Variants in SERPINE2 observed in about 807,000 individuals in gnomAD.
The protein encoded by SERPINE2 is glia-derived nexin.
In SERPINE2, 14 loss-of-function variants were observed where a neutral mutation model predicts 36.3. The observed-to-expected ratio is 0.39, with a 90% CI of 0.25 to 0.60. The LOEUF (loss-of-function observed/expected upper bound fraction) is 0.60. SERPINE2 is among the 20% of genes least tolerant of loss of function. The probability of loss-of-function intolerance (pLI) is 0.57; values close to 1 mark genes in which losing one functional copy is unlikely to be tolerated. For synonymous variants in SERPINE2, 192 were observed against 191.8 expected, an observed-to-expected ratio of 1.00 and a Z score of -0.01; for missense variants, 418 against 499.6, an observed-to-expected ratio of 0.84 and a Z score of 1.56.
chr2:224,003,050 G>T (rs548917970), intron 1 of SERPINE2, among the ~76,000 whole-genome samples: 2 of 152,076 alleles, frequency 1.3e-5, no homozygotes, highest in Admixed American at 6.5e-5. Flanking sequence ...GGCAGGGTGC[G>T]GGGGGTGGTC....
In SERPINE2 at chr2:223,991,979, G is replaced by A; in HGVS notation, c.509C>T (p.Ser170Phe). The A allele has an allele frequency of 6.2e-7, 1 of 1,614,064 alleles. No individual in the cohort carries two copies. Among genetic ancestry groups the A allele is most frequent in the Non-Finnish European group, 8.5e-7 (1 of 1,179,980 alleles). ...GAGCACACCATCAATAAGATCTGGG[G>A]ACAGCAGATTGTCAATCATATCTGT... is the stretch of plus-strand genomic sequence containing the variant. Reference protein sequence around the residue: ...ETRDMIDNLLSPDLIDGVLTR... With the variant: ...ETRDMIDNLLFPDLIDGVLTR... Residue 170 changes from serine to phenylalanine, a missense_variant, in exon 4 of 9, where the codon TCC (serine) becomes TTC (phenylalanine). Physicochemically the swap from Ser to Phe is radical, Grantham distance 155. Coordinates refer to ENST00000409304, the MANE Select transcript of SERPINE2 (RefSeq NM_001136528.2).
intron 3 of SERPINE2, among the ~76,000 whole-genome samples, chr2:223,995,476 T>C (rs558792899): frequency 6.6e-6 from 1 of 152,358 alleles, no homozygotes; most frequent in African/African-American, 2.4e-5. Context: ...TCCCACCCAA[T>C]GAAGAATTGT....
intron 3 of SERPINE2, among the ~76,000 whole-genome samples, chr2:223,996,848 G>C (rs1158158613): frequency 6.6e-6 from 1 of 152,190 alleles, no homozygotes; most frequent in East Asian, 1.9e-4. Context: ...AGGCTGAGGC[G>C]AGAGGACTGC....
intron 5 of SERPINE2, among the ~76,000 whole-genome samples, chr2:223,983,267 T>G (rs915919550): frequency 1.3e-5 from 2 of 152,220 alleles, no homozygotes; most frequent in African/African-American, 4.8e-5. Flanking sequence ...GGGATTCTTT[T>G]TTTTGAGACA....
At chr2:224,002,922 G>A (rs1489305122) in intron 1 of SERPINE2, among the ~76,000 whole-genome samples, 1 of 152,068 alleles carries the variant, frequency 6.6e-6, no homozygotes, top group African/African-American at 2.4e-5. Flanking sequence ...ACTCTCACCC[G>A]CACTGAGCTT....
At chr2:224,029,664 A>C (rs1293612737) in intron 1 of SERPINE2, among the ~76,000 whole-genome samples, 1 of 152,118 alleles carries the variant, frequency 6.6e-6, no homozygotes, top group Non-Finnish European at 1.5e-5. Flanking sequence ...TAAATATTAA[A>C]CCAAATAGAT....
At chr2:224,015,538 C>A (rs1284190298) in intron 1 of SERPINE2, among the ~76,000 whole-genome samples, 1 of 152,208 alleles carries the variant, frequency 6.6e-6, no homozygotes, top group Admixed American at 6.5e-5. Flanking sequence ...ACCATCATCA[C>A]CTTACAGCCT....
chr2:224,018,107 G>C (rs192869257), intron 1 of SERPINE2, among the ~76,000 whole-genome samples: 239 of 152,248 alleles, frequency 1.6e-3, no homozygotes, highest in African/African-American at 5.1e-3. Context: ...CCTCCCCAGG[G>C]GAAGCAGCTC....
chr2:224,010,632 C>T (rs1368906805), intron 1 of SERPINE2, among the ~76,000 whole-genome samples: 2 of 152,208 alleles, frequency 1.3e-5, no homozygotes, highest in Non-Finnish European at 2.9e-5. Context: ...TACCCATTAA[C>T]CAAGAGATCC....
chr2:223,982,490 A>G (rs1690259155), intron 6 of SERPINE2, 191 bp downstream of exon 6: 1 of 485,742 alleles, frequency 2.1e-6, no homozygotes, highest in South Asian at 3.0e-5. Flanking sequence ...AAAAGATAAA[A>G]GGAAAAAATA....
At chr2:223,988,094 C>T (rs1016506176) in intron 4 of SERPINE2, among the ~76,000 whole-genome samples, 11 of 152,036 alleles carry the variant, frequency 7.2e-5, no homozygotes, top group African/African-American at 2.7e-4. Context: ...GGAGGGGTGG[C>T]GTAAGTAACT....
chr2:224,000,841 G>T (rs999891876), intron 2 of SERPINE2, among the ~76,000 whole-genome samples: 1 of 152,076 alleles, frequency 6.6e-6, no homozygotes, highest in Non-Finnish European at 1.5e-5. Flanking sequence ...CTTCATCCAT[G>T]TCCCTGCAAG....
chr2:224,031,431 G>T, intron 1 of SERPINE2: 1 of 985,550 alleles, frequency 1.0e-6, no homozygotes, highest in Non-Finnish European at 1.2e-6. Flanking sequence ...GCTGGGGAAC[G>T]CCAGGCAGCA....
intron 1 of SERPINE2, among the ~76,000 whole-genome samples, chr2:224,035,518 G>T (rs1692506579): frequency 6.6e-6 from 1 of 152,108 alleles, no homozygotes; most frequent in African/African-American, 2.4e-5. Context: ...GAGTAGCTGG[G>T]ATTATAGGCG....
In SERPINE2 at chr2:223,976,592, T is replaced by C. The variant is rs188572453; in HGVS notation, c.1157-688A>G. On this transcript the variant is annotated intron_variant, in intron 8 of 8. Transcript: ENST00000409304. ...AGAATAAGGAACTATCTCATATTACTGATTAAATAAAATAGTAAAAGCTAA... is the reference window on the plus strand; with the variant it reads ...AGAATAAGGAACTATCTCATATTACCGATTAAATAAAATAGTAAAAGCTAA... Among the ~76,000 whole-genome samples the C allele has an allele frequency of 3.2e-3, 488 of 152,370 alleles. 1 individual carries two copies. Among genetic ancestry groups the C allele is most frequent in the Admixed American group, 5.4e-3 (82 of 15,312 alleles).
intron 1 of SERPINE2, among the ~76,000 whole-genome samples, chr2:224,019,343 T>C (rs1691909460): frequency 6.6e-6 from 1 of 152,248 alleles, no homozygotes; most frequent in African/African-American, 2.4e-5. Context: ...AACATCTTAC[T>C]GTACTGCATG....
intron 1 of SERPINE2, among the ~76,000 whole-genome samples, chr2:224,019,278 T>C (rs1691907556): frequency 6.6e-6 from 1 of 152,134 alleles, no homozygotes. Flanking sequence ...TTATATATTA[T>C]ACATATGGAT....
rs766666359 is a variant in SERPINE2 at position 224,001,693 on chromosome 2, C to A, written c.208G>T (p.Asp70Tyr). 12 of 1,614,192 alleles carry A rather than the reference C, an allele frequency of 7.4e-6. No individual in the cohort carries two copies. Among genetic ancestry groups the A allele is most frequent in the Non-Finnish European group, 7.6e-6 (9 of 1,180,054 alleles). Residue 70 changes from aspartate (D) to tyrosine (Y), a missense_variant, in exon 2 of 9, where the codon GAC (aspartate) becomes TAC (tyrosine). Physicochemically the swap from Asp to Tyr is radical, Grantham distance 160. Transcript: ENST00000409304. The part of the protein sequence containing the change: ...SVLGMLQLGA[D>Y]GRTKKQLAMV... Reference sequence around the variant, plus strand: ...GCGAGCTGCTTCTTGGTCCTGCCGTCCGCCCCCAGCTGAAGCATCCCCAGG... The same window carrying A: ...GCGAGCTGCTTCTTGGTCCTGCCGTACGCCCCCAGCTGAAGCATCCCCAGG...
At chr2:224,028,844 C>T (rs899935359) in intron 1 of SERPINE2, among the ~76,000 whole-genome samples, 2 of 152,162 alleles carry the variant, frequency 1.3e-5, no homozygotes, top group Admixed American at 6.5e-5. Context: ...CTTGCAGGTT[C>T]CTAACAGGGC....
Sources: allele counts gnomAD v4.1 joint callset (sites outside exome capture counted in the v4.1 genomes callset), GRCh38; gene constraint gnomAD v4.1.1; transcripts MANE v1.5; gene names NCBI Gene and HGNC (gene_info 2026-07-23, HGNC 2026-07-21).